Variants in UCK2 observed in about 807,000 individuals in gnomAD.
UCK2 encodes the protein uridine-cytidine kinase 2, also known as cytidine monophosphokinase 2.
UCK2 carries 6 observed loss-of-function variants against 30.8 expected under a neutral mutation model. That is an observed-to-expected ratio of 0.19 (90% CI 0.11 to 0.38). The LOEUF (loss-of-function observed/expected upper bound fraction) is 0.38, where lower values mean the gene tolerates loss of function less well. UCK2 is among the 10% of genes least tolerant of loss of function. UCK2 has a pLI of 1.00. For missense variants in UCK2, 210 were observed against 339.8 expected (o/e 0.62, Z 3.00); for synonymous variants, 125 against 133.6 (o/e 0.94, Z 0.45).
chr1:165,842,086 CT>C (rs1654344471), intron 1 of UCK2, among the ~76,000 whole-genome samples: 2 of 152,278 alleles, frequency 1.3e-5, no homozygotes, highest in East Asian at 3.9e-4. Flanking sequence ...TTTACCTTGA[CT>C]TTTCTGTAAC....
chr1:165,900,329 A>T (rs976060294), intron 4 of UCK2: 2 of 152,244 alleles, frequency 1.3e-5, no homozygotes, highest in Admixed American at 6.5e-5. Flanking sequence ...AGTTTTATGC[A>T]CATCTCTGTA....
intron 4 of UCK2, 70 bp downstream of exon 4, chr1:165,896,402 A>C: frequency 6.4e-7 from 1 of 1,573,336 alleles, no homozygotes; most frequent in Non-Finnish European, 8.7e-7. Flanking sequence ...GGAGCCTGTG[A>C]CAGGACCCCA....
chr1:165,864,106 C>A (rs1169209853), intron 1 of UCK2, among the ~76,000 whole-genome samples: 1 of 152,190 alleles, frequency 6.6e-6, no homozygotes, highest in African/African-American at 2.4e-5. Flanking sequence ...TACCACCATG[C>A]CTGGCTAATT....
At chr1:165,855,510 CTTT>C (rs76464312) in intron 1 of UCK2, among the ~76,000 whole-genome samples, 1 of 128,194 alleles carries the variant, frequency 7.8e-6, no homozygotes, top group Admixed American at 7.8e-5. Context: ...TTTTTCTTTT[CTTT>C]TTTTTTTTTT....
intron 1 of UCK2, among the ~76,000 whole-genome samples, chr1:165,854,143 C>T (rs542009124): frequency 2.0e-5 from 3 of 152,232 alleles, no homozygotes; most frequent in East Asian, 1.9e-4. Flanking sequence ...ACTTTCTGAG[C>T]GCATAGGAAG....
chr1:165,845,463 CTT>C (rs1200966413), intron 1 of UCK2, among the ~76,000 whole-genome samples: 2 of 152,108 alleles, frequency 1.3e-5, no homozygotes, highest in African/African-American at 4.8e-5. Context: ...GGGAAACAGA[CTT>C]TTTTTCTTCG....
intron 1 of UCK2, among the ~76,000 whole-genome samples, chr1:165,848,654 A>C (rs570738425): frequency 4.0e-5 from 6 of 151,168 alleles, no homozygotes; most frequent in South Asian, 2.1e-4. Context: ...ACACACACAC[A>C]CACACCCACA....
At chr1:165,859,558 C>T (rs554012211) in intron 1 of UCK2, among the ~76,000 whole-genome samples, 13 of 152,256 alleles carry the variant, frequency 8.5e-5, no homozygotes, top group African/African-American at 2.2e-4. Context: ...CTGTGGCTCA[C>T]GTCTGTAATC....
chr1:165,849,754 ATGGAGAAGCTCAT>A (rs1345028287), intron 1 of UCK2, among the ~76,000 whole-genome samples: 1 of 152,162 alleles, frequency 6.6e-6, no homozygotes, highest in African/African-American at 2.4e-5. Flanking sequence ...ACCTGCGAAA[ATGGAGAAGCTCAT>A]TTTAGGCAGG....
intron 1 of UCK2, among the ~76,000 whole-genome samples, chr1:165,839,336 G>A (rs1654270068): frequency 2.0e-5 from 3 of 152,190 alleles, no homozygotes; most frequent in Admixed American, 2.0e-4. Flanking sequence ...TGCAAGCTGA[G>A]CGAGCCCTCC....
intron 1 of UCK2, among the ~76,000 whole-genome samples, chr1:165,848,299 T>G (rs903730490): frequency 4.6e-5 from 7 of 152,178 alleles, no homozygotes; most frequent in Admixed American, 6.5e-5. Flanking sequence ...CAGTCTGGAC[T>G]CTTAGAAAAT....
intron 1 of UCK2, among the ~76,000 whole-genome samples, chr1:165,864,489 C>T (rs1329172710): frequency 6.6e-6 from 1 of 151,990 alleles, no homozygotes; most frequent in Non-Finnish European, 1.5e-5. Context: ...ATTGGGTATA[C>T]AAAAAGTAAT....
intron 1 of UCK2, 76 bp downstream of exon 1, chr1:165,828,008 C>A: frequency 8.7e-7 from 1 of 1,143,904 alleles, no homozygotes. Context: ...CGGCCGCGGG[C>A]CGTGTCAGTT....
At chr1:165,846,061 G>T (rs560152725) in intron 1 of UCK2, among the ~76,000 whole-genome samples, 1 of 152,180 alleles carries the variant, frequency 6.6e-6, no homozygotes, top group African/African-American at 2.4e-5. Flanking sequence ...GGAGGCCGAG[G>T]TGGGATGATC....
At chr1:165,871,001 AGAG>A (rs1350444044) in intron 1 of UCK2, among the ~76,000 whole-genome samples, 1 of 152,106 alleles carries the variant, frequency 6.6e-6, no homozygotes, top group African/African-American at 2.4e-5. Context: ...TATTTTTAGT[AGAG>A]GAGTTTCACC....
At chr1:165,883,334 G>T (rs1423440990) in intron 1 of UCK2, among the ~76,000 whole-genome samples, 1 of 152,164 alleles carries the variant, frequency 6.6e-6, no homozygotes, top group African/African-American at 2.4e-5. Context: ...TGTGTGCCCA[G>T]CTAAAATTCA....
At chr1:165,885,324 AC>A in intron 1 of UCK2, 1 of 398,564 alleles carries the variant, frequency 2.5e-6, no homozygotes, top group Non-Finnish European at 4.4e-6. Context: ...AAAAAAGAAG[AC>A]AAAGTAATAC....
rs1384885180 is a variant in UCK2 at position 165,880,586 on chromosome 1, T to G, written c.100-9618T>G. Among the ~76,000 whole-genome samples the G allele has an allele frequency of 7.0e-4, 68 of 97,042 alleles. 1 individual carries two copies. The highest frequency in any genetic ancestry group is 2.4e-3 in the South Asian group (4 of 1,688). 63.7% of individuals were successfully genotyped at this position (97,042 alleles called of 152,430 possible). A position where few individuals can be genotyped will look rare whatever the true frequency, so the allele number is the denominator to read the frequency against. ...TTGGGGGTGTGTGTGTGTGTGTGTGTGTGTGTGTGTGTGTGTGTGTGTGTG... is the reference window on the plus strand; with the variant it reads ...TTGGGGGTGTGTGTGTGTGTGTGTGGGTGTGTGTGTGTGTGTGTGTGTGTG... On this transcript the variant is annotated intron_variant, in intron 1 of 6. Coordinates refer to ENST00000367879, the MANE Select transcript of UCK2 (RefSeq NM_012474.5).
chr1:165,843,089 TTTC>T, intron 1 of UCK2, among the ~76,000 whole-genome samples: 1 of 122,406 alleles, frequency 8.2e-6, no homozygotes, highest in East Asian at 2.5e-4. Flanking sequence ...ATCCTGTGTT[TTTC>T]TTTCTCTGAC....
Sources: gnomAD v4.1 joint callset for allele counts (sites outside exome capture counted in the v4.1 genomes callset) on GRCh38, gnomAD v4.1.1 for gene constraint, MANE v1.5 for transcripts, NCBI Gene and HGNC (gene_info 2026-07-23, HGNC 2026-07-21) for gene names.